Variants in MTREX observed in about 807,000 individuals in gnomAD.
The protein encoded by MTREX is Mtr4 exosome RNA helicase.
MTREX carries 76 observed loss-of-function variants against 135.4 expected under a neutral mutation model. The observed-to-expected ratio is 0.56, with a 90% CI of 0.47 to 0.68. MTREX has a LOEUF of 0.68. MTREX is among the 30% of genes least tolerant of loss of function. MTREX has a pLI of 0.00. For missense variants in MTREX, 920 were observed against 1,262.1 expected, an observed-to-expected ratio of 0.73 and a Z score of 4.11; for synonymous variants, 404 against 401.6, an observed-to-expected ratio of 1.01 and a Z score of -0.07.
intron 15 of MTREX, among the ~76,000 whole-genome samples, chr5:55,361,596 A>G (rs1388942607): frequency 6.6e-6 from 1 of 152,042 alleles, no homozygotes; most frequent in Non-Finnish European, 1.5e-5. Flanking sequence ...CTGGGATTAT[A>G]GGCACCTGCC....
chr5:55,422,997 G>A lies in MTREX; in HGVS notation c.3076+15G>A. 1.9e-6 allele frequency: 3 copies of A among 1,594,762 alleles called. No individual in the cohort carries two copies. Among genetic ancestry groups the A allele is most frequent in the Non-Finnish European group, 2.6e-6 (3 of 1,164,140 alleles). On this transcript the variant is annotated intron_variant, in intron 26 of 26. Coordinates refer to ENST00000230640, the MANE Select transcript of MTREX (RefSeq NM_015360.5). The stretch of plus-strand genomic sequence containing the variant: ...ATTTGCAGAAGGTCAGTATCAAATG[G>A]ATAAGCTGTTTCTAATTTAGACAAA...
At chr5:55,393,472 T>A (rs182715396) in intron 19 of MTREX, among the ~76,000 whole-genome samples, 24 of 152,310 alleles carry the variant, frequency 1.6e-4, no homozygotes, top group Admixed American at 3.9e-4. Context: ...GCTTGTTGAA[T>A]GAAAAATTCA....
chr5:55,419,867 CCA>C (rs1364311469), intron 25 of MTREX, among the ~76,000 whole-genome samples: 1 of 152,182 alleles, frequency 6.6e-6, no homozygotes, highest in Non-Finnish European at 1.5e-5. Flanking sequence ...ACTCTCCCCA[CCA>C]CACACATTCT....
At chr5:55,351,419 C>A (rs1478619916) in intron 13 of MTREX, among the ~76,000 whole-genome samples, 1 of 152,126 alleles carries the variant, frequency 6.6e-6, no homozygotes, top group African/African-American at 2.4e-5. Flanking sequence ...GCAGTCCCAG[C>A]TACTAGGGAA....
At chr5:55,314,609 A>G (rs1195910622) in intron 1 of MTREX, among the ~76,000 whole-genome samples, 3 of 152,212 alleles carry the variant, frequency 2.0e-5, no homozygotes, top group Non-Finnish European at 4.4e-5. Flanking sequence ...GCCTTCAGGT[A>G]GGAACACAGC....
chr5:55,424,526 G>A (rs963439026), intron 26 of MTREX, 194 bp from the exon 27 acceptor site: 12 of 540,348 alleles, frequency 2.2e-5, no homozygotes, highest in Non-Finnish European at 4.1e-5. Context: ...AAAGAACAGG[G>A]GTCTGGCTTG....
At chr5:55,341,988 G>GGA (rs1378908563) in intron 7 of MTREX, among the ~76,000 whole-genome samples, 1 of 152,142 alleles carries the variant, frequency 6.6e-6, no homozygotes, top group Non-Finnish European at 1.5e-5. Flanking sequence ...ATCCTAGGTA[G>GGA]GATCATGGTT....
At chr5:55,399,102 G>C (rs1013784638) in intron 20 of MTREX, among the ~76,000 whole-genome samples, 1 of 152,164 alleles carries the variant, frequency 6.6e-6, no homozygotes, top group Non-Finnish European at 1.5e-5. Flanking sequence ...TATAAAACTT[G>C]GCCAGGCTCG....
chr5:55,383,025 G>T (rs1283137670), intron 18 of MTREX, among the ~76,000 whole-genome samples: 1 of 152,022 alleles, frequency 6.6e-6, no homozygotes, highest in East Asian at 1.9e-4. Context: ...TATCATTTTT[G>T]GTTCTATTTG....
chr5:55,418,151 G>A (rs1053605924), intron 25 of MTREX, among the ~76,000 whole-genome samples: 57 of 149,704 alleles, frequency 3.8e-4, no homozygotes, highest in African/African-American at 1.3e-3. Context: ...GGAGAATGGC[G>A]TGAACCTGGG....
chr5:55,418,735 G>T (rs1751010507), intron 25 of MTREX, among the ~76,000 whole-genome samples: 1 of 152,090 alleles, frequency 6.6e-6, no homozygotes. Context: ...AGCAAAAAAT[G>T]AGAACCTTCA....
intron 19 of MTREX, among the ~76,000 whole-genome samples, chr5:55,391,286 A>G (rs1055086403): frequency 7.2e-5 from 11 of 151,978 alleles, no homozygotes; most frequent in African/African-American, 2.4e-4. Flanking sequence ...TACAAAAATA[A>G]ATAAATAACA....
At chr5:55,336,292 C>T (rs1749552059) in intron 5 of MTREX, among the ~76,000 whole-genome samples, 1 of 152,050 alleles carries the variant, frequency 6.6e-6, no homozygotes, top group Non-Finnish European at 1.5e-5. Context: ...TGCCTTATTT[C>T]TGATATGAGG....
chr5:55,331,210 G>C (rs546086462), intron 5 of MTREX, among the ~76,000 whole-genome samples: 1 of 152,192 alleles, frequency 6.6e-6, no homozygotes, highest in South Asian at 2.1e-4. Context: ...ATTACAGACT[G>C]TGTTTTCCTG....
intron 16 of MTREX, among the ~76,000 whole-genome samples, chr5:55,368,340 A>C (rs1246954066): frequency 6.6e-6 from 1 of 152,090 alleles, no homozygotes; most frequent in East Asian, 1.9e-4. Context: ...AATCCCAGCT[A>C]CTTGGGAGGC....
chr5:55,345,253 C>T, intron 10 of MTREX, 57 bp downstream of exon 10: 1 of 1,117,210 alleles, frequency 9.0e-7, no homozygotes, highest in Non-Finnish European at 1.3e-6. Context: ...ATTCAGATTA[C>T]TCTGATATTT....
intron 26 of MTREX, chr5:55,424,379 A>G (rs959919290): frequency 6.6e-5 from 11 of 166,344 alleles, no homozygotes; most frequent in African/African-American, 2.6e-4. Context: ...TCCTGACCTC[A>G]GGTGATCCGC....
At chr5:55,408,227 A>G (rs776235287) in intron 22 of MTREX, among the ~76,000 whole-genome samples, 20 of 152,040 alleles carry the variant, frequency 1.3e-4, no homozygotes, top group Non-Finnish European at 2.5e-4. Flanking sequence ...CCCCCACCCC[A>G]TATCCTGCGA....
intron 1 of MTREX, among the ~76,000 whole-genome samples, chr5:55,314,120 G>T (rs771308740): frequency 5.9e-5 from 9 of 152,048 alleles, no homozygotes; most frequent in Non-Finnish European, 1.2e-4. Flanking sequence ...GTTTCTTGTT[G>T]TTGTTGTTTG....
Sources: allele counts gnomAD v4.1 joint callset (sites outside exome capture counted in the v4.1 genomes callset), GRCh38; gene constraint gnomAD v4.1.1; transcripts MANE v1.5; gene names NCBI Gene and HGNC (gene_info 2026-07-23, HGNC 2026-07-21).